The following TTN variants were observed in gnomAD, a reference collection of about 807,000 sequenced individuals.
TTN encodes titin, also known as connectin.
In TTN, 1,525 loss-of-function variants were observed where a neutral mutation model predicts 3,223.0. That is an observed-to-expected ratio of 0.47 (90% CI 0.45 to 0.49). The LOEUF is 0.49. TTN is among the 20% of genes least tolerant of loss of function. TTN has a pLI of 0.00. For synonymous variants in TTN, 14,094 were observed against 15,161.0 expected (o/e 0.93, Z 5.17); for missense variants, 40,786 against 43,424.0 (o/e 0.94, Z 5.40).
chr2:178,729,128 C>T lies in TTN; in HGVS notation c.18910G>A (p.Val6304Ile). 6.2e-7 allele frequency: 1 copy of T among 1,604,192 alleles called. No homozygotes were observed. The highest frequency in any genetic ancestry group is 8.5e-7 in the Non-Finnish European group (1 of 1,175,452). ...TGAAAGGTGGCAGAACTTTTCAAAA[C>T]AGTAGTGGTATTTTCTATCTTCTTA... ...FIKKIENTTT[V>I]LKSSATFQST... The change falls in exon 65 of 363, where the codon GTT becomes ATT. Residue 6304 changes from valine to isoleucine, a missense_variant. Transcript: ENST00000589042.
In TTN at chr2:178,702,378, C is replaced by T. The variant is rs562837048; in HGVS notation, c.30433+76G>A. On this transcript the variant is annotated intron_variant, in intron 107 of 362. Transcript: ENST00000589042. ...ATTCTAGATAGAATGAGAGCATGAG[C>T]GCATACAGGGTAGAAATACAGAAAA... The T allele has an allele frequency of 9.2e-5, 148 of 1,602,626 alleles. No individual in the cohort carries two copies. In the African/African-American group the frequency reaches 1.1e-3, roughly 11 times the overall value.
Position 178,704,321 on chromosome 2 carries a change from C to A in TTN, c.30049G>T (p.Val10017Leu). Residue 10017 changes from valine to leucine, a missense_variant, in exon 106 of 363, where the codon GTA (valine) becomes TTA (leucine). Transcript: ENST00000589042. ...TMTCQFSVPN[V>L]KSEWFRNGRI... ...CCATTTCTGAACCATTCAGATTTTA[C>A]ATTTGGTACAGAAAATTGGCATGTC... 6.2e-7 allele frequency: 1 copy of A among 1,614,026 alleles called. No homozygotes were observed.
In TTN at chr2:178,583,174, C is replaced by A. The variant is rs72646866; in HGVS notation, c.65629G>T (p.Ala21877Ser). 5.7e-5 allele frequency: 92 copies of A among 1,611,420 alleles called. No homozygotes were observed. In the Middle Eastern group the frequency reaches 9.9e-4, roughly 17 times the overall value. ...GCATCCAAGCAGACATTAGTTCCAG[C>A]TTTCACAGTAAGCAAAGATTTCATA... ...VAMKSLLTVK[A>S]GTNVCLDATV... Residue 21877 changes from alanine (A) to serine (S), a missense_variant, in exon 313 of 363, where the codon GCT (alanine) becomes TCT (serine). Physicochemically the swap from Ala to Ser is moderately conservative, Grantham distance 99. Transcript: ENST00000589042.
At position 178,669,684 on chromosome 2, in the gene TTN, A is replaced by G. The variant is rs1313431313; in HGVS notation, c.35387-9T>C. The stretch of plus-strand genomic sequence containing the variant: ...CTTGGGTACTTCGGGTGCTTTAAAG[A>G]TATTTATTTATCTTATTTTTTCAGA... On this transcript the variant is annotated splice_polypyrimidine_tract_variant and intron_variant, in intron 157 of 362. Transcript: ENST00000589042. 1.9e-6 allele frequency: 3 copies of G among 1,609,534 alleles called. No individual in the cohort carries two copies. Among genetic ancestry groups the G allele is most frequent in the Non-Finnish European group, 2.5e-6 (3 of 1,177,750 alleles).
Position 178,535,858 on chromosome 2 carries a change from GAA to G in TTN, c.100766-11_100766-10del, listed in dbSNP as rs749872538. On this transcript the variant is annotated splice_polypyrimidine_tract_variant and intron_variant, in intron 357 of 362. Coordinates refer to ENST00000589042, the MANE Select transcript of TTN (RefSeq NM_001267550.2). ...GTGTATCTTAGCTGGAACTGTATCA[GAA>G]AAAAAAAAAAAAAGAATATAATTTA... 2.5e-3 allele frequency: 2,998 copies of G among 1,207,774 alleles called. No individual in the cohort carries two copies. Among genetic ancestry groups the G allele is most frequent in the South Asian group, 5.3e-3 (305 of 57,228 alleles). The allele number at this position is 1,207,774 out of a possible 1,614,324, so 74.8% of individuals were successfully genotyped here.
At chr2:178,688,312 T>A in intron 126 of TTN, 88 bp from the exon 127 acceptor site, 1 of 1,184,426 alleles carries the variant, frequency 8.4e-7, no homozygotes, top group South Asian at 1.2e-5. Flanking sequence ...GGATAACTGT[T>A]CTTCTATCTG....
In TTN at chr2:178,580,126, T is replaced by C. The variant is rs1305023299; in HGVS notation, c.67161A>G (p.Ile22387Met). The part of the protein sequence containing the change: ...PPIIDGGSPI[I>M]NYVVQKRDAE... Reference sequence around the variant, plus strand: ...CATCACGTTTTTGTACCACATAGTTTATGATGGGGCTTCCGCCATCAATAA... The same window carrying C: ...CATCACGTTTTTGTACCACATAGTTCATGATGGGGCTTCCGCCATCAATAA... Residue 22387 changes from isoleucine to methionine, a missense_variant, in exon 318 of 363, where the codon ATA becomes ATG. Ile to Met is a conservative substitution (Grantham distance 10, BLOSUM62 1). Transcript: ENST00000589042. 2 of 1,613,396 alleles carry C rather than the reference T, an allele frequency of 1.2e-6. No individual in the cohort carries two copies. The highest frequency in any genetic ancestry group is 1.7e-6 in the Non-Finnish European group (2 of 1,179,506).
rs937899757 is a variant in TTN at position 178,605,605 on chromosome 2, T to C, written c.53690A>G (p.Tyr17897Cys). The C allele has an allele frequency of 4.3e-6, 7 of 1,612,146 alleles. No individual in the cohort carries two copies. Among genetic ancestry groups the C allele is most frequent in the Middle Eastern group, 1.6e-4 (1 of 6,066 alleles). ...RSNGGSPIQG[Y>C]IIEKRRHDKP... ...GTCATGACGCCGTTTTTCAATGATA[T>C]ATCCTTGGATGGGACTGCCACCATT... Residue 17897 changes from tyrosine to cysteine, a missense_variant, in exon 279 of 363, where the codon TAT becomes TGT. Physicochemically the swap from Tyr to Cys is radical, Grantham distance 194. Coordinates refer to ENST00000589042, the MANE Select transcript of TTN (RefSeq NM_001267550.2).
chr2:178,582,299 A>G lies in TTN; in HGVS notation c.66157T>C (p.Tyr22053His), dbSNP rs1202427718. The G allele has an allele frequency of 1.3e-6, 2 of 1,584,966 alleles. No individual in the cohort carries two copies. The highest frequency in any genetic ancestry group is 2.2e-5 in the East Asian group (1 of 44,472). The stretch of plus-strand genomic sequence containing the variant: ...AACCACCGGGAAATGTTCCTACCAT[A>G]TGGGTTTTTGGCAATTGCTGGTTCA... Reference protein sequence around the residue: ...FTEPAIAKNPYDPPGRCDPPV... With the variant: ...FTEPAIAKNPHDPPGRCDPPV... Residue 22053 changes from tyrosine (Y) to histidine (H), a missense_variant, in exon 314 of 363, where the codon TAT becomes CAT. Physicochemically the swap from Tyr to His is moderately conservative, Grantham distance 83. Transcript: ENST00000589042.
At chr2:178,618,141 A>T in intron 252 of TTN, 48 bp downstream of exon 252, 6 of 1,610,008 alleles carry the variant, frequency 3.7e-6, no homozygotes, top group Non-Finnish European at 5.1e-6. Context: ...GAAGGCAAAG[A>T]CTGCAATTTA....
Position 178,680,963 on chromosome 2 carries a change from T to C in TTN, c.33340+116A>G, listed in dbSNP as rs150208296. The C allele has an allele frequency of 2.1e-4, 197 of 934,252 alleles. No individual in the cohort carries two copies. In the African/African-American group the frequency reaches 3.1e-3, roughly 15 times the overall value. The allele number at this position is 934,252 out of a possible 1,614,324, so 57.9% of individuals were successfully genotyped here. A position where few individuals can be genotyped will look rare whatever the true frequency, so the allele number is the denominator to read the frequency against. ...TATTTACACATTTTTACATCCAACA[T>C]TCTGCTGACAACTAATTTAAAAGAC... On this transcript the variant is annotated intron_variant, in intron 138 of 362. Transcript: ENST00000589042.
rs766709285 is a variant in TTN at position 178,654,302 on chromosome 2, A to G, written c.38297-11T>C. 3.4e-4 allele frequency: 546 copies of G among 1,595,366 alleles called. 13 individuals carry two copies. Among genetic ancestry groups the G allele is most frequent in the Non-Finnish European group, 4.3e-4 (511 of 1,177,020 alleles). ...TAGGAGCTTCAGGAACTTTGAAGAT[A>G]TTAGTATCTTTTAGTTAGAAGCTAT... On this transcript the variant is annotated splice_polypyrimidine_tract_variant and intron_variant, in intron 192 of 362. Coordinates refer to ENST00000589042, the MANE Select transcript of TTN (RefSeq NM_001267550.2).
In TTN at chr2:178,722,819, A is replaced by G. The variant is rs16866473; in HGVS notation, c.22080T>C (p.Asp7360=). The change falls in exon 76 of 363, where the codon GAT becomes GAC. Residue 7360 remains aspartate, a synonymous_variant. Transcript: ENST00000589042. ...PEITVSWYKG[D]TKLRPTPEYR... ...ATTCAGGAGTTGGCCGTAATTTGGT[A>G]TCTCCTTTGTACCAAGACACTGTAA... 71,404 of 1,613,126 alleles carry G rather than the reference A, an allele frequency of 0.044. 3,439 individuals carry two copies. Among genetic ancestry groups the G allele is most frequent in the Admixed American group, 0.17 (10,441 of 59,912 alleles).
Position 178,619,857 on chromosome 2 carries a change from T to C in TTN, c.46460A>G (p.Gln15487Arg). ...EIPVEIIRPP[Q>R]DILEAPGADV... Reference sequence around the variant, plus strand: ...AGCACCAGGGGCTTCAAGAATATCTTGTGGAGGCCTGATGATCTCAACAGG... The same window carrying C: ...AGCACCAGGGGCTTCAAGAATATCTCGTGGAGGCCTGATGATCTCAACAGG... Residue 15487 changes from glutamine to arginine, a missense_variant, in exon 250 of 363, where the codon CAA (glutamine) becomes CGA (arginine). Coordinates refer to ENST00000589042, the MANE Select transcript of TTN (RefSeq NM_001267550.2). 6.2e-7 allele frequency: 1 copy of C among 1,611,672 alleles called. No homozygotes were observed. The highest frequency in any genetic ancestry group is 8.5e-7 in the Non-Finnish European group (1 of 1,178,804).
chr2:178,542,258 A>T lies in TTN; in HGVS notation c.97492+6T>A. On this transcript the variant is annotated splice_donor_region_variant and intron_variant, in intron 349 of 362. Coordinates refer to ENST00000589042, the MANE Select transcript of TTN (RefSeq NM_001267550.2). ...GGGAGAGTGGTGGAAGGGCCTGTGG[A>T]CTTACGGATGCTGCTGCGACACTCT... 1 of 1,602,094 alleles carries T rather than the reference A, an allele frequency of 6.2e-7. No individual in the cohort carries two copies. The highest frequency in any genetic ancestry group is 8.5e-7 in the Non-Finnish European group (1 of 1,172,224).
Position 178,567,317 on chromosome 2 carries a change from G to A in TTN, c.78815C>T (p.Ala26272Val). 3 of 1,605,926 alleles carry A rather than the reference G, an allele frequency of 1.9e-6. No individual in the cohort carries two copies. Among genetic ancestry groups the A allele is most frequent in the Non-Finnish European group, 2.5e-6 (3 of 1,177,092 alleles). The change falls in exon 326 of 363, where the codon GCA (alanine) becomes GTA (valine). Residue 26272 changes from alanine (A) to valine (V), a missense_variant. Physicochemically the swap from Ala to Val is moderately conservative, Grantham distance 64. Coordinates refer to ENST00000589042, the MANE Select transcript of TTN (RefSeq NM_001267550.2). ...ATTTACTGGGAATGACTTAGAACCT[G>A]CAACATTGGAAGCTCTTAAAATATA... is the stretch of plus-strand genomic sequence containing the variant. ...GQYILRASNV[A>V]GSKSFPVNVK... is the part of the protein sequence containing the mutation.
intron 240 of TTN, among the ~76,000 whole-genome samples, chr2:178,628,185 C>T (rs973503438): frequency 3.9e-5 from 6 of 151,998 alleles, no homozygotes; most frequent in African/African-American, 1.4e-4. Context: ...TAGTGGAATA[C>T]TAGTTTTGTT....
chr2:178,779,499 T>A lies in TTN; in HGVS notation c.3730-37A>T, dbSNP rs372574672. On this transcript the variant is annotated intron_variant, in intron 22 of 362. Transcript: ENST00000589042. The stretch of plus-strand genomic sequence containing the variant: ...GATTATGGTCTGTTAAAAATACATA[T>A]CCTTACTGATATAAATTATTTAAGG... 1.4e-4 allele frequency: 175 copies of A among 1,234,496 alleles called. 5 individuals are homozygous for A. In the Middle Eastern group the frequency reaches 3.2e-3, roughly 23 times the overall value. 76.5% of individuals were successfully genotyped at this position (1,234,496 alleles called of 1,614,324 possible).
intron 159 of TTN, 23 bp downstream of exon 159, chr2:178,669,350 A>G (rs971805954): frequency 4.6e-6 from 7 of 1,512,082 alleles, no homozygotes; most frequent in African/African-American, 4.2e-5. Context: ...ACGAAAAAGA[A>G]CCACTAATTT....
Sources: gnomAD v4.1 joint callset for allele counts (sites outside exome capture counted in the v4.1 genomes callset) on GRCh38, gnomAD v4.1.1 for gene constraint, MANE v1.5 for transcripts, NCBI Gene and HGNC (gene_info 2026-07-23, HGNC 2026-07-21) for gene names.